NGLY1: variants seen among roughly 807,000 people sequenced by gnomAD.
The protein encoded by NGLY1 is peptide-N(4)-(N-acetyl-beta-glucosaminyl)asparagine amidase.
Under a neutral mutation model 84.6 loss-of-function variants are expected in NGLY1, and 68 were observed. The observed-to-expected ratio is 0.80, with a 90% CI of 0.66 to 0.98. The LOEUF is 0.98. NGLY1 is among the 50% of genes least tolerant of loss of function. The pLI is 0.00. For synonymous variants in NGLY1, 280 were observed against 275.2 expected (o/e 1.02, Z -0.17); for missense variants, 779 against 770.2 (o/e 1.01, Z -0.14).
At chr3:25,737,127 C>T in intron 6 of NGLY1, 1 of 431,124 alleles carries the variant, frequency 2.3e-6, no homozygotes, top group Non-Finnish European at 4.1e-6. Context: ...GTGCAAAGCA[C>T]CAGGCACAGT....
At chr3:25,780,081 G>C (rs1708338980) in intron 1 of NGLY1, among the ~76,000 whole-genome samples, 1 of 152,308 alleles carries the variant, frequency 6.6e-6, no homozygotes, top group Non-Finnish European at 1.5e-5. Flanking sequence ...AGGTCCATAA[G>C]GGATTGGAAA....
chr3:25,729,552 T>C (rs1042601754), intron 9 of NGLY1: 31 of 286,972 alleles, frequency 1.1e-4, no homozygotes, highest in Non-Finnish European at 1.8e-4. Context: ...CTTATATTTT[T>C]GTGATTTTGC....
chr3:25,788,456 A>G (rs1708649823), intron 1 of NGLY1, among the ~76,000 whole-genome samples: 2 of 152,234 alleles, frequency 1.3e-5, no homozygotes, highest in African/African-American at 4.8e-5. Context: ...CCAAATATGT[A>G]AAGCCATTAA....
chr3:25,737,604 G>A (rs937219943), intron 5 of NGLY1, 149 bp from the exon 6 acceptor site: 11 of 672,196 alleles, frequency 1.6e-5, no homozygotes, highest in South Asian at 6.1e-5. Flanking sequence ...GTGCAGTGGC[G>A]CAATCTCGGC....
intron 2 of NGLY1, among the ~76,000 whole-genome samples, chr3:25,772,889 C>T (rs375312281): frequency 2.0e-5 from 3 of 152,250 alleles, no homozygotes; most frequent in African/African-American, 7.2e-5. Flanking sequence ...ATTTATGAAG[C>T]TTAGTTTTGC....
At chr3:25,766,463 C>T (rs1050385060) in intron 2 of NGLY1, among the ~76,000 whole-genome samples, 1 of 152,194 alleles carries the variant, frequency 6.6e-6, no homozygotes, top group Non-Finnish European at 1.5e-5. Context: ...TGACCTTAAT[C>T]GTTATGCTAT....
chr3:25,739,545 A>G, intron 5 of NGLY1, 32 bp downstream of exon 5: 4 of 1,586,062 alleles, frequency 2.5e-6, no homozygotes, highest in Non-Finnish European at 3.5e-6. Context: ...TCATTAAGAG[A>G]TTATTCTGAT....
intron 3 of NGLY1, among the ~76,000 whole-genome samples, chr3:25,761,932 C>G (rs920866768): frequency 6.6e-6 from 1 of 152,064 alleles, no homozygotes; most frequent in Non-Finnish European, 1.5e-5. Context: ...AAATGTTACA[C>G]AAAGAGCTAG....
chr3:25,731,092 T>C (rs1051852484), intron 9 of NGLY1, among the ~76,000 whole-genome samples: 1 of 152,106 alleles, frequency 6.6e-6, no homozygotes, highest in Non-Finnish European at 1.5e-5. Flanking sequence ...TCATGTGGTA[T>C]CTTAAAATAA....
chr3:25,730,275 C>T (rs1318785784), intron 9 of NGLY1: 4 of 151,882 alleles, frequency 2.6e-5, no homozygotes, highest in Non-Finnish European at 4.4e-5. Context: ...AAGATTAATT[C>T]CAAAAGTATT....
rs745718089 is a variant in NGLY1 at position 25,729,237 on chromosome 3, G to A, written c.1507C>T (p.Arg503Cys). Residue 503 changes from arginine to cysteine, a missense_variant, in exon 10 of 12, where the codon CGT (arginine) becomes TGT (cysteine). Physicochemically the swap from Arg to Cys is radical, Grantham distance 180. Coordinates refer to ENST00000280700, the MANE Select transcript of NGLY1 (RefSeq NM_018297.4). ...TTGTTATTTGAAACTCGAACATAAC[G>A]ATCTTTCACAATATTGTAACAAAGG... ...LHLCYNIVKDRYVRVSNNNQT... is the reference protein window; with the variant it reads ...LHLCYNIVKDCYVRVSNNNQT... 41 of 1,552,650 alleles carry A rather than the reference G, an allele frequency of 2.6e-5. No individual in the cohort carries two copies. The highest frequency in any genetic ancestry group is 3.7e-5 in the South Asian group (3 of 81,442).
At chr3:25,736,420 T>A in intron 6 of NGLY1, 1 of 1,519,042 alleles carries the variant, frequency 6.6e-7, no homozygotes, top group Non-Finnish European at 8.9e-7. Context: ...GTAGACATAT[T>A]AAAGAGCAGC....
chr3:25,764,686 T>A (rs906506555), intron 2 of NGLY1, among the ~76,000 whole-genome samples: 1 of 152,154 alleles, frequency 6.6e-6, no homozygotes. Context: ...CTATTCTCTA[T>A]GAAATTCCCT....
intron 9 of NGLY1, among the ~76,000 whole-genome samples, chr3:25,731,769 C>T (rs902547604): frequency 6.6e-6 from 1 of 152,080 alleles, no homozygotes; most frequent in Non-Finnish European, 1.5e-5. Flanking sequence ...CACGTTGCAA[C>T]ATGTATCTCA....
intron 4 of NGLY1, among the ~76,000 whole-genome samples, chr3:25,743,681 T>C (rs1409485164): frequency 1.3e-5 from 2 of 152,144 alleles, no homozygotes; most frequent in African/African-American, 4.8e-5. Flanking sequence ...AATAAATATT[T>C]GAATGATGAA....
intron 10 of NGLY1, among the ~76,000 whole-genome samples, chr3:25,722,226 AT>A (rs201154889): frequency 0.019 from 2,805 of 151,312 alleles, 91 homozygotes; most frequent in African/African-American, 0.065. Context: ...AAAAAAAAAA[AT>A]AAAAATAAAA....
At chr3:25,731,993 G>T (rs1705563600) in intron 9 of NGLY1, among the ~76,000 whole-genome samples, 1 of 152,038 alleles carries the variant, frequency 6.6e-6, no homozygotes, top group Non-Finnish European at 1.5e-5. Context: ...GATTACATGG[G>T]TGTTAAATTT....
chr3:25,768,839 G>C (rs1055879123), intron 2 of NGLY1, among the ~76,000 whole-genome samples: 6 of 151,930 alleles, frequency 3.9e-5, no homozygotes, highest in Middle Eastern at 3.4e-3. Context: ...ACGGCGCCTG[G>C]CCTCATGAGT....
chr3:25,766,595 CACA>C (rs1480290944), intron 2 of NGLY1, among the ~76,000 whole-genome samples: 1 of 152,164 alleles, frequency 6.6e-6, no homozygotes, highest in Admixed American at 6.5e-5. Context: ...CAAATTGTAA[CACA>C]ACGACTTTTT....
Sources: allele counts gnomAD v4.1 joint callset (sites outside exome capture counted in the v4.1 genomes callset), GRCh38; gene constraint gnomAD v4.1.1; transcripts MANE v1.5; gene names NCBI Gene and HGNC (gene_info 2026-07-23, HGNC 2026-07-21).